GRIA3: variants seen among roughly 807,000 people sequenced by gnomAD.
GRIA3 encodes glutamate ionotropic receptor AMPA type subunit 3.
GRIA3 carries 3 observed loss-of-function variants against 63.0 expected under a neutral mutation model. The ratio of observed to expected loss-of-function variants is 0.05; its 90% confidence interval spans 0.02 to 0.12. The LOEUF is 0.12. Ranked by LOEUF, GRIA3 falls within the 10% of genes least tolerant of loss-of-function variation. The pLI is 1.00. For synonymous variants in GRIA3, 274 were observed against 257.9 expected (o/e 1.06, Z -0.60); for missense variants, 347 against 700.9 (o/e 0.50, Z 5.70).
intron 2 of GRIA3, among the ~76,000 whole-genome samples, chrX:123,195,927 GC>G (rs2147250753): frequency 9.0e-6 from 1 of 111,562 alleles, no homozygotes; most frequent in Admixed American, 9.5e-5. Flanking sequence ...ATATCTAGTA[GC>G]TTTTCATGAC....
At chrX:123,470,804 G>A (rs775177291) in intron 13 of GRIA3, among the ~76,000 whole-genome samples, 18 of 112,033 alleles carry the variant, frequency 1.6e-4, no homozygotes, top group Non-Finnish European at 1.7e-4. Context: ...TTCTTGGGCC[G>A]TGGGTAATGG....
At position 123,218,077 on chromosome X, in the gene GRIA3, T is replaced by C. The variant is rs761980817; in HGVS notation, c.268+32087T>C. Among the ~76,000 whole-genome samples the C allele has an allele frequency of 1.9e-3, 218 of 112,632 alleles. 1 individual carries two copies. Among genetic ancestry groups the C allele is most frequent in the African/African-American group, 6.6e-3 (206 of 31,011 alleles). The stretch of plus-strand genomic sequence containing the variant: ...CATAGTATGACAAAAATTGTGTGCT[T>C]AAAAGTTTTTGAAACCTTACATTGT... On this transcript the variant is annotated intron_variant, in intron 2 of 15. Coordinates refer to ENST00000620443, the MANE Select transcript of GRIA3 (RefSeq NM_007325.5).
chrX:123,350,197 G>A (rs1300197222), intron 4 of GRIA3, among the ~76,000 whole-genome samples: 2 of 111,368 alleles, frequency 1.8e-5, no homozygotes, highest in Non-Finnish European at 3.8e-5. Context: ...TAGCCCCTCA[G>A]ACATTTGCAG....
At chrX:123,417,046 C>T (rs114593834) in intron 10 of GRIA3, among the ~76,000 whole-genome samples, 2,854 of 111,336 alleles carry the variant, frequency 0.026, 84 homozygotes, top group African/African-American at 0.085. Flanking sequence ...CATAAGAACA[C>T]GAAAATTAAA....
chrX:123,441,428 G>A (rs1404831983), intron 12 of GRIA3, among the ~76,000 whole-genome samples: 2 of 111,462 alleles, frequency 1.8e-5, no homozygotes, highest in African/African-American at 6.5e-5. Context: ...AGGGTAAACT[G>A]GGAATCATTC....
At chrX:123,401,343 C>T (rs1041541265) in intron 7 of GRIA3, among the ~76,000 whole-genome samples, 6 of 111,458 alleles carry the variant, frequency 5.4e-5, no homozygotes, top group Admixed American at 3.8e-4. Context: ...GACTTAAAGC[C>T]CTAGCTATTT....
intron 2 of GRIA3, among the ~76,000 whole-genome samples, chrX:123,199,965 G>A (rs1248761590): frequency 9.0e-6 from 1 of 111,578 alleles, no homozygotes; most frequent in Non-Finnish European, 1.9e-5. Context: ...GAACAAGAAA[G>A]GAAAAGAGAT....
intron 2 of GRIA3, among the ~76,000 whole-genome samples, chrX:123,213,796 A>G (rs1325903270): frequency 8.9e-6 from 1 of 111,871 alleles, no homozygotes. Flanking sequence ...TTTCAGGCCA[A>G]ATAAAGGGAA....
chrX:123,359,288 A>C (rs752258886), intron 5 of GRIA3, among the ~76,000 whole-genome samples: 2 of 112,169 alleles, frequency 1.8e-5, no homozygotes, highest in African/African-American at 3.2e-5. Context: ...GATAAAAGAA[A>C]CTCAGTCAAT....
chrX:123,203,243 G>A (rs1169384508), intron 2 of GRIA3, among the ~76,000 whole-genome samples: 1 of 111,592 alleles, frequency 9.0e-6, no homozygotes, highest in Non-Finnish European at 1.9e-5. Context: ...AAACTGAGAT[G>A]CTAAAATCTC....
chrX:123,252,652 AG>A (rs2044397586), intron 2 of GRIA3, among the ~76,000 whole-genome samples: 1 of 111,517 alleles, frequency 9.0e-6, no homozygotes, highest in African/African-American at 3.3e-5. Context: ...AAAAGGATCA[AG>A]ATAGAACTTT....
At chrX:123,480,718 G>A in intron 14 of GRIA3, among the ~76,000 whole-genome samples, 1 of 111,560 alleles carries the variant, frequency 9.0e-6, no homozygotes, top group Non-Finnish European at 1.9e-5. Context: ...GTTGTATTGA[G>A]TTCAGCATTA....
chrX:123,202,157 C>CT (rs1451624541), intron 2 of GRIA3, among the ~76,000 whole-genome samples: 2 of 112,347 alleles, frequency 1.8e-5, no homozygotes, highest in African/African-American at 6.5e-5. Flanking sequence ...CAGGCAAGGG[C>CT]TGCATCACTG....
intron 15 of GRIA3, among the ~76,000 whole-genome samples, chrX:123,484,522 C>T (rs1344217474): frequency 7.2e-5 from 8 of 111,640 alleles, no homozygotes; most frequent in African/African-American, 2.3e-4. Context: ...ACTCTATCGC[C>T]CAGGCTGGAG....
chrX:123,438,489 T>C (rs2045656818), intron 12 of GRIA3, among the ~76,000 whole-genome samples: 1 of 112,262 alleles, frequency 8.9e-6, no homozygotes, highest in South Asian at 3.7e-4. Flanking sequence ...GGAGTAAAAT[T>C]GCTGGATCAT....
intron 2 of GRIA3, among the ~76,000 whole-genome samples, chrX:123,192,109 T>C (rs1441060672): frequency 9.0e-6 from 1 of 111,676 alleles, no homozygotes; most frequent in Non-Finnish European, 1.9e-5. Flanking sequence ...ACCCGAGGCA[T>C]AGGCAGGTTC....
In GRIA3 at chrX:123,395,000, G is replaced by A. The variant is rs768041440; in HGVS notation, c.783G>A (p.Met261Ile). 2.5e-6 allele frequency: 3 copies of A among 1,190,787 alleles called. No homozygotes were observed. In the East Asian group the frequency reaches 8.9e-5, roughly 35 times the overall value. ...GFTDILLERV[M>I]HGGANITGFQ... is the part of the protein sequence containing the mutation. Reference sequence around the variant, plus strand: ...CTGATATTTTACTGGAAAGAGTCATGCATGGGGGAGCCAACATTACAGGTT... The same window carrying A: ...CTGATATTTTACTGGAAAGAGTCATACATGGGGGAGCCAACATTACAGGTT... Residue 261 changes from methionine to isoleucine, a missense_variant, in exon 6 of 16, where the codon ATG (methionine) becomes ATA (isoleucine). By Grantham distance (10) the Met-to-Ile change is conservative. Transcript: ENST00000620443.
intron 10 of GRIA3, among the ~76,000 whole-genome samples, chrX:123,410,804 G>A (rs2045500946): frequency 9.0e-6 from 1 of 111,302 alleles, no homozygotes; most frequent in Non-Finnish European, 1.9e-5. Flanking sequence ...AGAAAGAGTG[G>A]GGAAAATATT....
chrX:123,208,918 T>C (rs1365742925), intron 2 of GRIA3, among the ~76,000 whole-genome samples: 1 of 112,287 alleles, frequency 8.9e-6, no homozygotes, highest in East Asian at 2.8e-4. Context: ...TGAAAACATA[T>C]GATATAAATT....
Sources: allele counts gnomAD v4.1 joint callset (sites outside exome capture counted in the v4.1 genomes callset), GRCh38; gene constraint gnomAD v4.1.1; transcripts MANE v1.5; gene names NCBI Gene and HGNC (gene_info 2026-07-23, HGNC 2026-07-21).